Variants in ERAP2 observed in about 807,000 individuals in gnomAD.
The protein encoded by ERAP2 is leukocyte-derived arginine aminopeptidase.
Under a neutral mutation model 111.1 loss-of-function variants are expected in ERAP2, and 118 were observed. That is an observed-to-expected ratio of 1.06 (90% CI 0.92 to 1.24). The LOEUF (loss-of-function observed/expected upper bound fraction) is 1.24. Among genes scored for constraint, ERAP2 ranks in the 50% most tolerant of loss-of-function variants. The pLI is 0.00. For synonymous variants in ERAP2, 410 were observed against 401.2 expected, an observed-to-expected ratio of 1.02 and a Z score of -0.26; for missense variants, 1,131 against 1,125.8, an observed-to-expected ratio of 1.00 and a Z score of -0.07.
Position 96,883,774 on chromosome 5 carries a change from G to C in ERAP2, c.576-18G>C. 7 of 1,605,956 alleles carry C rather than the reference G, an allele frequency of 4.4e-6. No homozygotes were observed. Among genetic ancestry groups the C allele is most frequent in the Non-Finnish European group, 5.9e-6 (7 of 1,176,786 alleles). On this transcript the variant is annotated intron_variant, in intron 2 of 18. Coordinates refer to ENST00000437043, the MANE Select transcript of ERAP2 (RefSeq NM_022350.5). Reference sequence around the variant, plus strand: ...GATTTCACTTGTGCATTTTGGCTGGGGGTGGGTCTTTTCACAGAATTCTTG... The same window carrying C: ...GATTTCACTTGTGCATTTTGGCTGGCGGTGGGTCTTTTCACAGAATTCTTG...
chr5:96,889,188 T>G lies in ERAP2; in HGVS notation c.853T>G (p.Ser285Ala). 6.2e-7 allele frequency: 1 copy of G among 1,614,098 alleles called. No individual in the cohort carries two copies. Among genetic ancestry groups the G allele is most frequent in the Non-Finnish European group, 8.5e-7 (1 of 1,179,940 alleles). ...SGFTSSGVKV[S>A]IYASPDKRNQ... Reference sequence around the variant, plus strand: ...TCTTCTGATCCACATTTCCCAGGTGTCCATCTATGCATCCCCAGACAAACG... The same window carrying G: ...TCTTCTGATCCACATTTCCCAGGTGGCCATCTATGCATCCCCAGACAAACG... Residue 285 changes from serine (S) to alanine (A), a missense_variant, in exon 5 of 19, where the codon TCC (serine) becomes GCC (alanine). Ser to Ala is a moderately conservative substitution (Grantham distance 99). Coordinates refer to ENST00000437043, the MANE Select transcript of ERAP2 (RefSeq NM_022350.5).
Position 96,911,915 on chromosome 5 carries a change from C to T in ERAP2, c.2355-722C>T, listed in dbSNP as rs371168638. Among the ~76,000 whole-genome samples the T allele has an allele frequency of 1.8e-4, 24 of 136,230 alleles. No homozygotes were observed. In the East Asian group the frequency reaches 4.1e-3, roughly 23 times the overall value. 89.4% of individuals were successfully genotyped at this position (136,230 alleles called of 152,430 possible). A position where few individuals can be genotyped will look rare whatever the true frequency, so the allele number is the denominator to read the frequency against. On this transcript the variant is annotated intron_variant, in intron 15 of 18. Transcript: ENST00000437043. ...GAAAGAAAAGAAAAAAATGGCCGGGCGCGGTGGCTCACGCCTGTAATCCCA... is the reference window on the plus strand; with the variant it reads ...GAAAGAAAAGAAAAAAATGGCCGGGTGCGGTGGCTCACGCCTGTAATCCCA...
At chr5:96,892,736 C>T (rs1202486646) in intron 6 of ERAP2, among the ~76,000 whole-genome samples, 2 of 152,164 alleles carry the variant, frequency 1.3e-5, no homozygotes, top group Admixed American at 6.6e-5. Context: ...AGTGACTATA[C>T]AGACACATGA....
intron 15 of ERAP2, among the ~76,000 whole-genome samples, chr5:96,910,462 A>AG (rs1786602754): frequency 6.6e-6 from 1 of 151,948 alleles, no homozygotes; most frequent in South Asian, 2.1e-4. Flanking sequence ...AGAAAAAAAA[A>AG]AACTTAAAAA....
At chr5:96,892,171 T>C in intron 5 of ERAP2, 128 bp from the exon 6 acceptor site, 1 of 868,738 alleles carries the variant, frequency 1.2e-6, no homozygotes, top group Non-Finnish European at 1.8e-6. Context: ...AATGTTAAGA[T>C]ATTCTTGATG....
intron 15 of ERAP2, among the ~76,000 whole-genome samples, chr5:96,910,741 T>C (rs1368085525): frequency 1.3e-5 from 2 of 152,190 alleles, no homozygotes; most frequent in Non-Finnish European, 2.9e-5. Context: ...ATATTGTTGG[T>C]TTTTTCTAAA....
At chr5:96,916,793 C>G (rs1787465002) in intron 18 of ERAP2, among the ~76,000 whole-genome samples, 1 of 148,282 alleles carries the variant, frequency 6.7e-6, no homozygotes, top group South Asian at 2.1e-4. Flanking sequence ...GCATTATAGT[C>G]TTTGCACCTT....
chr5:96,886,720 T>C lies in ERAP2; in HGVS notation c.780T>C (p.Ser260=), dbSNP rs1029230775. 22 of 1,554,854 alleles carry C rather than the reference T, an allele frequency of 1.4e-5. No homozygotes were observed. The highest frequency in any genetic ancestry group is 1.9e-5 in the Non-Finnish European group (22 of 1,139,398). ...ACTTTGAAACTACTGTAAAAATGAG[T>C]ACATACCTTGTAGCCTACATAGTTT... ...EDHFETTVKM[S]TYLVAYIVCD... Residue 260 remains serine, a synonymous_variant, in exon 4 of 19, where the codon AGT becomes AGC. Transcript: ENST00000437043.
chr5:96,900,115 T>G lies in ERAP2; in HGVS notation c.1504-6T>G. On this transcript the variant is annotated splice_region_variant and splice_polypyrimidine_tract_variant and intron_variant, in intron 9 of 18. Coordinates refer to ENST00000437043, the MANE Select transcript of ERAP2 (RefSeq NM_022350.5). ...ATTGCAGTGCTCTTTTGTTCTTGTT[T>G]TGTAGAGTTGTTTAGAAAGTGATTT... 1 of 1,613,772 alleles carries G rather than the reference T, an allele frequency of 6.2e-7. No individual in the cohort carries two copies. Among genetic ancestry groups the G allele is most frequent in the Non-Finnish European group, 8.5e-7 (1 of 1,179,756 alleles).
At chr5:96,888,558 T>C (rs1346283792) in intron 4 of ERAP2, among the ~76,000 whole-genome samples, 1 of 152,232 alleles carries the variant, frequency 6.6e-6, no homozygotes, top group African/African-American at 2.4e-5. Flanking sequence ...ACATTTTTTC[T>C]GCATAAAAGT....
At chr5:96,915,646 A>G (rs374342967) in intron 17 of ERAP2, 42 bp from the exon 18 acceptor site, 3 of 1,193,104 alleles carry the variant, frequency 2.5e-6, no homozygotes, top group Non-Finnish European at 3.5e-6. Context: ...ACATAAGGTC[A>G]GTATTTCTAT....
rs1451157770 is a variant in ERAP2, at chr5:96,912,666, A to G, written c.2384A>G (p.Tyr795Cys). Residue 795 changes from tyrosine to cysteine, a missense_variant, in exon 16 of 19, where the codon TAT becomes TGT. By Grantham distance (194) the Tyr-to-Cys change is radical. Transcript: ENST00000437043. Reference sequence around the variant, plus strand: ...CCAACAGATGTTTTAAAGATTGTGTATTCTGTGGGTGCTCAGACAACAGCA... The same window carrying G: ...CCAACAGATGTTTTAAAGATTGTGTGTTCTGTGGGTGCTCAGACAACAGCA... ...NIPTDVLKIV[Y>C]SVGAQTTAGW... 1.2e-6 allele frequency: 2 copies of G among 1,610,958 alleles called. No individual in the cohort carries two copies. The highest frequency in any genetic ancestry group is 3.4e-5 in the Admixed American group (2 of 59,196).
At chr5:96,905,246 T>A (rs532492740) in intron 13 of ERAP2, among the ~76,000 whole-genome samples, 27 of 152,284 alleles carry the variant, frequency 1.8e-4, no homozygotes, top group African/African-American at 6.0e-4. Flanking sequence ...AGGCAGAATG[T>A]AAGTCTGTGT....
intron 15 of ERAP2, among the ~76,000 whole-genome samples, chr5:96,911,674 C>T (rs1287398903): frequency 6.6e-6 from 1 of 151,702 alleles, no homozygotes; most frequent in African/African-American, 2.4e-5. Context: ...GAATTTGAGA[C>T]CAGCCTTGTC....
intron 14 of ERAP2, 129 bp from the exon 15 acceptor site, chr5:96,909,451 C>T (rs559938713): frequency 4.7e-5 from 34 of 730,850 alleles, no homozygotes; most frequent in East Asian, 1.5e-4. Flanking sequence ...AAGAGAAATA[C>T]GAAGATACAC....
At chr5:96,880,330 G>C in intron 2 of ERAP2, 70 bp downstream of exon 2, 4 of 1,369,162 alleles carry the variant, frequency 2.9e-6, no homozygotes, top group Non-Finnish European at 4.0e-6. Context: ...TCTTTGCCAG[G>C]AGCAGACTTC....
At chr5:96,907,593 G>A (rs558552233) in intron 13 of ERAP2, among the ~76,000 whole-genome samples, 1 of 150,274 alleles carries the variant, frequency 6.7e-6, no homozygotes, top group African/African-American at 2.5e-5. Flanking sequence ...TTTTAATACG[G>A]CAGACTAGCC....
At chr5:96,886,166 A>C (rs987776701) in intron 3 of ERAP2, among the ~76,000 whole-genome samples, 4 of 152,194 alleles carry the variant, frequency 2.6e-5, no homozygotes, top group African/African-American at 7.2e-5. Context: ...CTGAGAAACA[A>C]CACCAACCTC....
intron 2 of ERAP2, among the ~76,000 whole-genome samples, chr5:96,881,841 C>A (rs1007839659): frequency 6.6e-6 from 1 of 152,168 alleles, no homozygotes; most frequent in Non-Finnish European, 1.5e-5. Context: ...AGATTTCCCA[C>A]CCAATGACTT....
Sources: allele counts gnomAD v4.1 joint callset (sites outside exome capture counted in the v4.1 genomes callset), GRCh38; gene constraint gnomAD v4.1.1; transcripts MANE v1.5; gene names NCBI Gene and HGNC (gene_info 2026-07-23, HGNC 2026-07-21).